Variants in PKP4 observed in about 807,000 individuals in gnomAD.
The protein encoded by PKP4 is plakophilin-4.
Under a neutral mutation model 145.1 loss-of-function variants are expected in PKP4, and 90 were observed. The observed-to-expected ratio is 0.62, with a 90% CI of 0.52 to 0.74. PKP4 has a LOEUF of 0.74. Among genes scored for constraint, PKP4 ranks in the 30% least tolerant of loss-of-function variants. The pLI, the probability that PKP4 is intolerant of heterozygous loss-of-function variation, is 0.00. For missense variants in PKP4, 1,340 were observed against 1,482.7 expected (o/e 0.90, Z 1.58); for synonymous variants, 563 against 577.2 (o/e 0.98, Z 0.35).
chr2:158,674,412 T>G (rs938470835), intron 19 of PKP4, among the ~76,000 whole-genome samples: 2 of 152,226 alleles, frequency 1.3e-5, no homozygotes, highest in African/African-American at 4.8e-5. Context: ...GTGAATTTTT[T>G]TAAGTTTTCT....
intron 10 of PKP4, among the ~76,000 whole-genome samples, chr2:158,641,838 T>A (rs980266567): frequency 1.3e-5 from 2 of 152,222 alleles, no homozygotes; most frequent in African/African-American, 4.8e-5. Flanking sequence ...AGCTTTGCTA[T>A]GTTTGTGTAT....
At chr2:158,488,634 C>T (rs1207425538) in intron 1 of PKP4, among the ~76,000 whole-genome samples, 1 of 152,152 alleles carries the variant, frequency 6.6e-6, no homozygotes, top group African/African-American at 2.4e-5. Context: ...CCAGTGATCC[C>T]ACCTCCTGGA....
chr2:158,594,931 G>A (rs2049592170), intron 3 of PKP4, among the ~76,000 whole-genome samples: 1 of 152,148 alleles, frequency 6.6e-6, no homozygotes, highest in Non-Finnish European at 1.5e-5. Context: ...GGGCAAAGCA[G>A]TTCACTTTCA....
At position 158,497,119 on chromosome 2, in the gene PKP4, C is replaced by A. The variant is rs76405899; in HGVS notation, c.-5-36061C>A. Among the ~76,000 whole-genome samples the A allele has an allele frequency of 1.1e-3, 173 of 152,226 alleles. 3 individuals are homozygous for A. The East Asian group carries it at 0.029, about 26-fold the overall frequency. On this transcript the variant is annotated intron_variant, in intron 1 of 21. Coordinates refer to ENST00000389759, the MANE Select transcript of PKP4 (RefSeq NM_003628.6). ...AGCTTGGTTAAAGATGAATCAGGTT[C>A]TTTAGGCTATCCATTGGACAGTGCC...
At chr2:158,538,518 T>A (rs1210759459) in intron 2 of PKP4, among the ~76,000 whole-genome samples, 1 of 151,692 alleles carries the variant, frequency 6.6e-6, no homozygotes, top group African/African-American at 2.4e-5. Flanking sequence ...GTCATACTTT[T>A]CAGGCTCTCT....
In PKP4 at chr2:158,536,539, G is replaced by A. The variant is rs188197117; in HGVS notation, c.132+3223G>A. The stretch of plus-strand genomic sequence containing the variant: ...AGGAAATGGCAAGCAACCAATAGCA[G>A]TCTTGTTAACAAACCGTTAGTCTAT... On this transcript the variant is annotated intron_variant, in intron 2 of 21. Transcript: ENST00000389759. 2.0e-5 allele frequency among the ~76,000 whole-genome samples: 3 copies of A among 152,294 alleles called. No individual in the cohort carries two copies. In the East Asian group the frequency reaches 5.8e-4, roughly 29 times the overall value.
chr2:158,672,073 G>A lies in PKP4; in HGVS notation c.2925-1604G>A, dbSNP rs574330769. Among the ~76,000 whole-genome samples the A allele has an allele frequency of 1.6e-4, 25 of 152,318 alleles. No homozygotes were observed. The South Asian group carries it at 4.4e-3, about 27-fold the overall frequency. Reference sequence around the variant, plus strand: ...AGGGGTATAGGAGGCCCACCCCAGCGTGGTGATCTGACGGCCTTGGCCAAG... The same window carrying A: ...AGGGGTATAGGAGGCCCACCCCAGCATGGTGATCTGACGGCCTTGGCCAAG... On this transcript the variant is annotated intron_variant, in intron 17 of 21. Transcript: ENST00000389759.
chr2:158,495,212 C>T (rs1251427874), intron 1 of PKP4, among the ~76,000 whole-genome samples: 4 of 151,202 alleles, frequency 2.6e-5, no homozygotes, highest in South Asian at 2.1e-4. Flanking sequence ...TGCAAGACTC[C>T]GTCTCAAAAG....
At chr2:158,561,226 ACACAGACCTGTGCTAT>A (rs2046486855) in intron 2 of PKP4, among the ~76,000 whole-genome samples, 2 of 152,196 alleles carry the variant, frequency 1.3e-5, no homozygotes, top group African/African-American at 2.4e-5. Context: ...AGTAGTTGTG[ACACAGACCTGTGCTAT>A]GGTCCACAAA....
intron 11 of PKP4, among the ~76,000 whole-genome samples, chr2:158,652,528 A>T (rs904765231): frequency 2.0e-5 from 3 of 152,306 alleles, no homozygotes; most frequent in East Asian, 3.9e-4. Context: ...TGTTTGCTAG[A>T]TCCTGAGTGT....
intron 7 of PKP4, among the ~76,000 whole-genome samples, chr2:158,627,720 G>A (rs1350065277): frequency 2.0e-5 from 3 of 150,494 alleles, no homozygotes; most frequent in Non-Finnish European, 3.0e-5. Flanking sequence ...CTTTTGAGGA[G>A]ATAAAGAATT....
intron 17 of PKP4, among the ~76,000 whole-genome samples, chr2:158,671,027 A>G (rs973995680): frequency 6.6e-6 from 1 of 152,048 alleles, no homozygotes; most frequent in Non-Finnish European, 1.5e-5. Context: ...TGCTCTCTCC[A>G]TAGCGCTGAT....
At chr2:158,605,469 T>G (rs1163150809) in intron 4 of PKP4, among the ~76,000 whole-genome samples, 1 of 152,224 alleles carries the variant, frequency 6.6e-6, no homozygotes. Flanking sequence ...TGACTCACAA[T>G]GCCTTAAAAC....
intron 19 of PKP4, among the ~76,000 whole-genome samples, chr2:158,674,734 A>G (rs985492416): frequency 6.6e-6 from 1 of 152,266 alleles, no homozygotes; most frequent in African/African-American, 2.4e-5. Context: ...AATCAGTCCT[A>G]TAAATCTAAT....
chr2:158,492,215 T>C (rs961220523), intron 1 of PKP4, among the ~76,000 whole-genome samples: 7 of 152,084 alleles, frequency 4.6e-5, no homozygotes, highest in Non-Finnish European at 1.0e-4. Context: ...ATGGCCTCAG[T>C]TGCCCACAGA....
At chr2:158,537,707 T>C (rs2044170775) in intron 2 of PKP4, among the ~76,000 whole-genome samples, 1 of 152,166 alleles carries the variant, frequency 6.6e-6, no homozygotes, top group South Asian at 2.1e-4. Flanking sequence ...GGTTAGTGCC[T>C]AGCTTACTCT....
At chr2:158,651,666 C>T (rs1333412521) in intron 11 of PKP4, among the ~76,000 whole-genome samples, 1 of 151,858 alleles carries the variant, frequency 6.6e-6, no homozygotes, top group Non-Finnish European at 1.5e-5. Context: ...CTCCCATCCT[C>T]CTGTCAAACA....
chr2:158,471,117 G>C (rs750038220), intron 1 of PKP4, among the ~76,000 whole-genome samples: 1 of 152,202 alleles, frequency 6.6e-6, no homozygotes, highest in Admixed American at 6.5e-5. Flanking sequence ...CAGAGCCTTG[G>C]AGGTGAAGGA....
chr2:158,676,011 T>C (rs748350594), intron 19 of PKP4, among the ~76,000 whole-genome samples: 1 of 152,178 alleles, frequency 6.6e-6, no homozygotes, highest in Non-Finnish European at 1.5e-5. Context: ...TGTGCCACAG[T>C]GTCCAAAAAG....
Sources: gnomAD v4.1 joint callset for allele counts (sites outside exome capture counted in the v4.1 genomes callset) on GRCh38, gnomAD v4.1.1 for gene constraint, MANE v1.5 for transcripts, NCBI Gene and HGNC (gene_info 2026-07-23, HGNC 2026-07-21) for gene names.